DNAH2: variants seen among roughly 807,000 people sequenced by gnomAD.
The protein encoded by DNAH2 is axonemal beta dynein heavy chain 2.
A neutral mutation model predicts 523.5 loss-of-function variants in DNAH2; 323 were observed. The ratio of observed to expected loss-of-function variants is 0.62; its 90% CI spans 0.56 to 0.68. The LOEUF is 0.68. Ranked by LOEUF, DNAH2 falls within the 30% of genes least tolerant of loss-of-function variation. The pLI, the probability that DNAH2 is intolerant of heterozygous loss-of-function variation, is 0.00. For missense variants in DNAH2, 4,907 were observed against 5,701.5 expected, an observed-to-expected ratio of 0.86 and a Z score of 4.49; for synonymous variants, 2,093 against 2,177.4, an observed-to-expected ratio of 0.96 and a Z score of 1.08.
chr17:7,811,501 A>G (rs928548997), intron 63 of DNAH2, among the ~76,000 whole-genome samples: 1 of 152,162 alleles, frequency 6.6e-6, no homozygotes, highest in East Asian at 1.9e-4. Context: ...TTGGGCTCCT[A>G]TAACAAAATA....
In DNAH2 at chr17:7,793,041, G is replaced by A. The variant is rs762148164; in HGVS notation, c.7405G>A (p.Val2469Ile). 2 of 1,614,172 alleles carry A rather than the reference G, an allele frequency of 1.2e-6. No individual in the cohort carries two copies. Among genetic ancestry groups the A allele is most frequent in the Non-Finnish European group, 8.5e-7 (1 of 1,180,012 alleles). The change falls in exon 48 of 86, where the codon GTC becomes ATC. Residue 2469 changes from valine (V) to isoleucine (I), a missense_variant. Transcript: ENST00000572933. ...CAGGGTTGAGAAGCGAACCAAGGGT[G>A]TCTACGTGCCATTCGGGGGCAAAAG... ...ESRVEKRTKG[V>I]YVPFGGKSMI...
intron 85 of DNAH2, 67 bp downstream of exon 85, chr17:7,833,288 C>A: frequency 6.2e-7 from 1 of 1,607,060 alleles, no homozygotes; most frequent in Non-Finnish European, 8.5e-7. Flanking sequence ...CCATTCTCTG[C>A]TCCAGCCCAT....
Position 7,821,406 on chromosome 17 carries a change from G to A in DNAH2, c.11142+37G>A. 1 of 1,597,502 alleles carries A rather than the reference G, an allele frequency of 6.3e-7. No homozygotes were observed. The highest frequency in any genetic ancestry group is 8.5e-7 in the Non-Finnish European group (1 of 1,170,288). ...AGAGAGCACATCCCAGGATGGGATG[G>A]TCAAGGTTGGGGATGAGGGCAAGTG... On this transcript the variant is annotated intron_variant, in intron 73 of 85. Coordinates refer to ENST00000572933, the MANE Select transcript of DNAH2 (RefSeq NM_020877.5). The surrounding 1 kb of genome is among the most constrained non-coding windows in gnomAD (Gnocchi z 5.0).
In DNAH2 at chr17:7,763,887, T is replaced by C; in HGVS notation, c.3035T>C (p.Phe1012Ser). 2 of 1,614,208 alleles carry C rather than the reference T, an allele frequency of 1.2e-6. No homozygotes were observed. The highest frequency in any genetic ancestry group is 8.5e-7 in the Non-Finnish European group (1 of 1,180,036). The change falls in exon 19 of 86, where the codon TTT (phenylalanine) becomes TCT (serine). Residue 1012 changes from phenylalanine (F) to serine (S), a missense_variant. This residue lies in a region of DNAH2 where 2,806 missense variants were observed against 3,190.8 expected (regional missense o/e 0.88). Coordinates refer to ENST00000572933, the MANE Select transcript of DNAH2 (RefSeq NM_020877.5). Reference protein sequence around the residue: ...QKEETVTNIQFVLLDCSHLKF... With the variant: ...QKEETVTNIQSVLLDCSHLKF... ...GAGGAGACAGTCACCAACATCCAGT[T>C]TGTGCTGCTGGACTGTTCGCACCTC... is the stretch of plus-strand genomic sequence containing the variant.
intron 13 of DNAH2, 141 bp from the exon 14 acceptor site, chr17:7,758,354 T>G: frequency 2.7e-6 from 3 of 1,092,470 alleles, no homozygotes; most frequent in Non-Finnish European, 3.8e-6. Flanking sequence ...AAAAAGTTCT[T>G]TTGGAAGTAC....
chr17:7,782,424 AG>A (rs1410839836), intron 39 of DNAH2, among the ~76,000 whole-genome samples: 1 of 152,230 alleles, frequency 6.6e-6, no homozygotes, highest in Non-Finnish European at 1.5e-5. Context: ...TCTCAAGCTT[AG>A]ATTTCAATAT....
intron 39 of DNAH2, among the ~76,000 whole-genome samples, chr17:7,782,688 G>A (rs1053469773): frequency 5.3e-5 from 8 of 152,054 alleles, no homozygotes; most frequent in South Asian, 4.1e-4. Context: ...TGATAGGGGC[G>A]AGGTGCGGTG....
At chr17:7,808,991 C>G (rs990607279) in intron 63 of DNAH2, among the ~76,000 whole-genome samples, 1 of 152,322 alleles carries the variant, frequency 6.6e-6, no homozygotes, top group African/African-American at 2.4e-5. Context: ...CTTTTTACCA[C>G]TGCATGATAT....
chr17:7,750,312 G>T (rs1480867600), intron 12 of DNAH2, among the ~76,000 whole-genome samples: 2 of 152,268 alleles, frequency 1.3e-5, no homozygotes, highest in East Asian at 3.9e-4. Context: ...GTTTTTCTTA[G>T]ATCTGTTTTT....
intron 27 of DNAH2, 76 bp downstream of exon 27, chr17:7,771,009 T>G (rs1411232910): frequency 1.3e-6 from 2 of 1,522,606 alleles, no homozygotes; most frequent in Admixed American, 3.8e-5. Context: ...GATTTTGCCC[T>G]GTTATCAGCC....
chr17:7,767,217 G>A (rs1043806109), intron 22 of DNAH2, among the ~76,000 whole-genome samples: 3 of 151,812 alleles, frequency 2.0e-5, no homozygotes, highest in South Asian at 2.1e-4. Context: ...GGCTTCTTTC[G>A]CTTAGCATAA....
At chr17:7,726,752 T>C (rs1567602740) in intron 3 of DNAH2, among the ~76,000 whole-genome samples, 1 of 152,190 alleles carries the variant, frequency 6.6e-6, no homozygotes, top group Non-Finnish European at 1.5e-5. Context: ...GTGGTCTCCC[T>C]GCTCCTAATT....
At chr17:7,734,417 C>A (rs1356321730) in intron 6 of DNAH2, 53 bp from the exon 7 acceptor site, 4 of 1,601,900 alleles carry the variant, frequency 2.5e-6, no homozygotes, top group Admixed American at 1.7e-5. Context: ...GTGAAGGATG[C>A]TGTTGGGAAG....
chr17:7,824,191 C>T lies in DNAH2; in HGVS notation c.11549C>T (p.Ala3850Val). 1 of 1,605,510 alleles carries T rather than the reference C, an allele frequency of 6.2e-7. No individual in the cohort carries two copies. ...ILSPGVDPTS[A>V]LLQLAEHMGM... ...TCCCCTGGTGTGGACCCCACCAGTG[C>T]CCTGCTGCAGCTGGCAGAGCACATG... The change falls in exon 76 of 86, where the codon GCC (alanine) becomes GTC (valine). Residue 3850 changes from alanine (A) to valine (V), a missense_variant. Ala to Val is a moderately conservative substitution (Grantham distance 64). Around this residue, in one of 3 missense-constraint regions of DNAH2, gnomAD observed 1,851 missense variants for 2,139.4 expected, o/e 0.87. Coordinates refer to ENST00000572933, the MANE Select transcript of DNAH2 (RefSeq NM_020877.5).
rs550399051 is a variant in DNAH2, at chr17:7,764,458, TCTTC to T, written c.3336+188_3336+191del. Among the ~76,000 whole-genome samples the T allele has an allele frequency of 2.6e-5, 4 of 151,492 alleles. No homozygotes were observed. In the South Asian group the frequency reaches 8.3e-4, roughly 32 times the overall value. On this transcript the variant is annotated intron_variant, in intron 20 of 85. Transcript: ENST00000572933. ...TGGATTTCTTTTCTTTTCCTCTTCT[TCTTC>T]CTCTTTTTTTTTTTTTTAAACAGAG...
chr17:7,795,696 C>CAT lies in DNAH2; in HGVS notation c.7675-758_7675-757dup, dbSNP rs548098110. ...TATATATATATATTTATTTTATATACATATATATATAGTGTTAAGGCTGGG... is the reference window on the plus strand; with the variant it reads ...TATATATATATATTTATTTTATATACATATATATATATAGTGTTAAGGCTGGG... On this transcript the variant is annotated intron_variant, in intron 49 of 85. Transcript: ENST00000572933. Among the ~76,000 whole-genome samples, 1,038 of 145,824 alleles carry CAT rather than the reference C, an allele frequency of 7.1e-3. 11 individuals carry two copies. The highest frequency in any genetic ancestry group is 0.024 in the African/African-American group (965 of 40,082).
chr17:7,740,070 G>GC lies in DNAH2; in HGVS notation c.1376+132_1376+133insC, dbSNP rs386385570. ...ATCGGGATCAGGGCGGTGGCCCGGG[G>GC]GGGGGGACAGGAGAGAGTGCAGGGG... On this transcript the variant is annotated intron_variant, in intron 9 of 85. Coordinates refer to ENST00000572933, the MANE Select transcript of DNAH2 (RefSeq NM_020877.5). The GC allele has an allele frequency of 2.0e-4, 144 of 727,078 alleles. 6 individuals are homozygous for GC. Among genetic ancestry groups the GC allele is most frequent in the East Asian group, 1.3e-3 (27 of 20,610 alleles). The allele number at this position is 727,078 out of a possible 1,614,324, so 45.0% of individuals were successfully genotyped here.
chr17:7,743,294 T>C (rs2075411261), intron 12 of DNAH2, 152 bp downstream of exon 12: 1 of 893,502 alleles, frequency 1.1e-6, no homozygotes, highest in African/African-American at 1.7e-5. Flanking sequence ...TTTTTCTTCT[T>C]TTATTTTTGT....
At position 7,780,965 on chromosome 17, in the gene DNAH2, G is replaced by A. The variant is rs1028103478; in HGVS notation, c.6004-77G>A. 1.1e-5 allele frequency: 18 copies of A among 1,606,574 alleles called. No individual in the cohort carries two copies. Among genetic ancestry groups the A allele is most frequent in the Admixed American group, 8.4e-5 (5 of 59,872 alleles). On this transcript the variant is annotated intron_variant, in intron 38 of 85. Transcript: ENST00000572933. This position sits in a 1 kb window ranked among gnomAD's most constrained non-coding sequence, Gnocchi z 4.4. Reference sequence around the variant, plus strand: ...CTGGTGTATCCATTGTTCTTGGCACGTGCCCCGAAGCCCTTTGGAGGTGAA... The same window carrying A: ...CTGGTGTATCCATTGTTCTTGGCACATGCCCCGAAGCCCTTTGGAGGTGAA...
Sources: gnomAD v4.1 joint callset for allele counts (sites outside exome capture counted in the v4.1 genomes callset) on GRCh38, gnomAD v4.1.1 for gene constraint, gnomAD v4.1.1 regional missense constraint, Gnocchi (gnomAD v3.1) non-coding constraint, MANE v1.5 for transcripts, NCBI Gene and HGNC (gene_info 2026-07-23, HGNC 2026-07-21) for gene names.